Variants in PPM1B observed in about 807,000 individuals in gnomAD.
PPM1B encodes protein phosphatase 1B.
A neutral mutation model predicts 43.0 loss-of-function variants in PPM1B; 22 were observed. The observed-to-expected ratio is 0.51, with a 90% CI of 0.37 to 0.73. PPM1B has a LOEUF of 0.73. Among genes scored for constraint, PPM1B ranks in the 30% least tolerant of loss-of-function variants. The probability of loss-of-function intolerance (pLI) is 0.00; values close to 1 mark genes in which losing one functional copy is unlikely to be tolerated. For synonymous variants in PPM1B, 217 were observed against 197.9 expected (o/e 1.10, Z -0.81); for missense variants, 632 against 584.2 (o/e 1.08, Z -0.84).
chr2:44,217,730 A>C (rs769772543), intron 3 of PPM1B: 2 of 271,348 alleles, frequency 7.4e-6, no homozygotes, highest in Non-Finnish European at 1.4e-5. Flanking sequence ...TTTATGAATA[A>C]TGCTGGAATG....
At chr2:44,181,987 T>G (rs1056489056) in intron 1 of PPM1B, among the ~76,000 whole-genome samples, 79 of 152,196 alleles carry the variant, frequency 5.2e-4, no homozygotes, top group African/African-American at 1.7e-3. Context: ...TGAGAGTGTT[T>G]TGAAAGTCAA....
chr2:44,196,466 C>A (rs1026653786), intron 1 of PPM1B, among the ~76,000 whole-genome samples: 8 of 152,184 alleles, frequency 5.3e-5, no homozygotes, highest in African/African-American at 1.9e-4. Flanking sequence ...AGTTTGATTA[C>A]CTGGCTGAGG....
chr2:44,209,136 T>C, intron 2 of PPM1B, 74 bp from the exon 3 acceptor site: 3 of 1,267,572 alleles, frequency 2.4e-6, no homozygotes, highest in Non-Finnish European at 2.1e-6. Flanking sequence ...CTATAATTGC[T>C]TAAAGTATTT....
chr2:44,181,671 G>A (rs1013839124), intron 1 of PPM1B, among the ~76,000 whole-genome samples: 5 of 152,178 alleles, frequency 3.3e-5, no homozygotes, highest in Non-Finnish European at 7.3e-5. Flanking sequence ...TAATACTAGA[G>A]GAATGCTGTT....
rs58214419 is a variant in PPM1B at position 44,171,829 on chromosome 2, CAAAAAAAAA to C, written c.-15+2570_-15+2578del. ...TGGGTGCCAGAGTAAGACTCTGTCT[CAAAAAAAAA>C]AAAAAAAAAAAAAAGCTGTATTTCA... On this transcript the variant is annotated intron_variant, in intron 1 of 5. Transcript: ENST00000282412. Among the ~76,000 whole-genome samples, 377 of 118,748 alleles carry C rather than the reference CAAAAAAAAA, an allele frequency of 3.2e-3. 4 individuals carry two copies. Among genetic ancestry groups the C allele is most frequent in the Admixed American group, 3.2e-3 (39 of 12,188 alleles). The allele number at this position is 118,748 out of a possible 152,430, so 77.9% of individuals were successfully genotyped here.
chr2:44,217,815 T>A (rs745730921), intron 3 of PPM1B, 152 bp from the exon 4 acceptor site: 38 of 442,622 alleles, frequency 8.6e-5, no homozygotes, highest in Non-Finnish European at 1.3e-4. Flanking sequence ...AGTAGCTTTT[T>A]GTATTACTTC....
At chr2:44,199,313 A>AT (rs1378740753) in intron 1 of PPM1B, among the ~76,000 whole-genome samples, 1 of 101,662 alleles carries the variant, frequency 9.8e-6, no homozygotes, top group African/African-American at 4.2e-5. Flanking sequence ...CAAAAAAAAA[A>AT]AAAATAAAAA....
At chr2:44,178,480 T>A (rs1447633026) in intron 1 of PPM1B, among the ~76,000 whole-genome samples, 7 of 147,190 alleles carry the variant, frequency 4.8e-5, no homozygotes, top group African/African-American at 1.8e-4. Flanking sequence ...ATATATTTTT[T>A]TTTTTAGACA....
chr2:44,228,081 T>G (rs1319964319), intron 5 of PPM1B, among the ~76,000 whole-genome samples: 1 of 151,324 alleles, frequency 6.6e-6, no homozygotes, highest in Non-Finnish European at 1.5e-5. Context: ...TGCCACTGCG[T>G]GCTGCTAATT....
chr2:44,201,207 C>A lies in PPM1B; in HGVS notation c.8C>A (p.Ala3Glu). ...TCAGATTTATTGCTAAACATGGGTGCATTTTTGGATAAACCCAAAACTGAA... is the reference window on the plus strand; with the variant it reads ...TCAGATTTATTGCTAAACATGGGTGAATTTTTGGATAAACCCAAAACTGAA... MG[A>E]FLDKPKTEKH... Residue 3 changes from alanine to glutamate, a missense_variant, in exon 2 of 6, where the codon GCA becomes GAA. By Grantham distance (107) the Ala-to-Glu change is moderately radical. This residue lies in a region of PPM1B where 200 missense variants were observed against 200.7 expected (regional missense o/e 1.00). Coordinates refer to ENST00000282412, the MANE Select transcript of PPM1B (RefSeq NM_002706.6). This position sits in a 1 kb window ranked among gnomAD's most constrained non-coding sequence, Gnocchi z 5.4. 6.3e-7 allele frequency: 1 copy of A among 1,583,184 alleles called. No homozygotes were observed. Among genetic ancestry groups the A allele is most frequent in the Non-Finnish European group, 8.6e-7 (1 of 1,163,120 alleles).
At chr2:44,239,409 G>A (rs1016889704), downstream of PPM1B, among the ~76,000 whole-genome samples, 1 of 151,824 alleles carries the variant, frequency 6.6e-6, no homozygotes, top group African/African-American at 2.4e-5. Flanking sequence ...TTTGTTATGC[G>A]AGCTGCAAAA....
intron 1 of PPM1B, among the ~76,000 whole-genome samples, chr2:44,197,277 G>T (rs1668707883): frequency 6.6e-6 from 1 of 152,052 alleles, no homozygotes; most frequent in South Asian, 2.1e-4. Context: ...GCGCCACCAT[G>T]TCTGGCTAAT....
chr2:44,238,957 C>A (rs769418066), downstream of PPM1B, among the ~76,000 whole-genome samples: 2 of 151,304 alleles, frequency 1.3e-5, no homozygotes, highest in East Asian at 3.9e-4. Context: ...ACTAAAAATC[C>A]TAACTGAAAA....
downstream of PPM1B, among the ~76,000 whole-genome samples, chr2:44,235,536 G>A (rs1243528611): frequency 2.0e-5 from 3 of 150,448 alleles, no homozygotes; most frequent in Non-Finnish European, 2.9e-5. Flanking sequence ...CCAGGTGACG[G>A]AGGTTGCAGT....
At chr2:44,179,938 G>C (rs1197712581) in intron 1 of PPM1B, among the ~76,000 whole-genome samples, 3 of 150,790 alleles carry the variant, frequency 2.0e-5, no homozygotes, top group East Asian at 3.9e-4. Flanking sequence ...GAACCCGGGA[G>C]GCAGAGGTTG....
At chr2:44,209,955 C>T (rs544451223) in intron 3 of PPM1B, among the ~76,000 whole-genome samples, 2 of 152,096 alleles carry the variant, frequency 1.3e-5, no homozygotes, top group African/African-American at 4.8e-5. Flanking sequence ...GAAGGTAGTT[C>T]GTTAGAGCTT....
intron 2 of PPM1B, among the ~76,000 whole-genome samples, chr2:44,206,912 T>A (rs533976394): frequency 1.3e-5 from 2 of 152,238 alleles, no homozygotes; most frequent in African/African-American, 4.8e-5. Flanking sequence ...AATTAAAAAT[T>A]TTTGCTTGAA....
At chr2:44,236,300 G>A (rs577454340), downstream of PPM1B, among the ~76,000 whole-genome samples, 38 of 149,680 alleles carry the variant, frequency 2.5e-4, 2 homozygotes, top group South Asian at 7.6e-3. Context: ...CTACTCGGGA[G>A]TTTGAGGCAG....
intron 1 of PPM1B, among the ~76,000 whole-genome samples, chr2:44,188,763 T>TTTCCTTCC (rs528327372): frequency 1.4e-5 from 2 of 139,598 alleles, no homozygotes; most frequent in African/African-American, 5.2e-5. Flanking sequence ...TCCTTCCTTC[T>TTTCCTTCC]TTCCTTCCTT....
Sources: gnomAD v4.1 joint callset for allele counts (sites outside exome capture counted in the v4.1 genomes callset) on GRCh38, gnomAD v4.1.1 for gene constraint, gnomAD v4.1.1 regional missense constraint, Gnocchi (gnomAD v3.1) non-coding constraint, MANE v1.5 for transcripts, NCBI Gene and HGNC (gene_info 2026-07-23, HGNC 2026-07-21) for gene names.